Variants in ARFGEF3 observed in about 807,000 individuals in gnomAD.
The protein encoded by ARFGEF3 is brefeldin A-inhibited guanine nucleotide-exchange protein 3.
In ARFGEF3, 96 loss-of-function variants were observed where a neutral mutation model predicts 221.7. That is an observed-to-expected ratio of 0.43 (90% CI 0.37 to 0.51). The LOEUF (loss-of-function observed/expected upper bound fraction) is 0.51, where lower values mean the gene tolerates loss of function less well. Ranked by LOEUF, ARFGEF3 falls within the 20% of genes least tolerant of loss-of-function variation. The pLI, the probability that ARFGEF3 is intolerant of heterozygous loss-of-function variation, is 0.00. For missense variants in ARFGEF3, 2,410 were observed against 2,789.9 expected (o/e 0.86, Z 3.07); for synonymous variants, 1,145 against 1,126.8 (o/e 1.02, Z -0.32).
At chr6:138,209,046 T>G (rs923729159) in intron 3 of ARFGEF3, among the ~76,000 whole-genome samples, 4 of 152,156 alleles carry the variant, frequency 2.6e-5, no homozygotes, top group Non-Finnish European at 5.9e-5. Context: ...AAAAAGCCTA[T>G]CCTGTGAGGT....
chr6:138,280,499 G>T (rs1779178811), intron 14 of ARFGEF3, among the ~76,000 whole-genome samples: 1 of 152,188 alleles, frequency 6.6e-6, no homozygotes, highest in Non-Finnish European at 1.5e-5. Context: ...GCTAATAGTT[G>T]CCCATATCAT....
chr6:138,319,779 A>G lies in ARFGEF3; in HGVS notation c.4551A>G (p.Lys1517=), dbSNP rs1779990137. The change falls in exon 28 of 34, where the codon AAA becomes AAG. Residue 1517 remains lysine, a synonymous_variant. Transcript: ENST00000251691. ...VMSVWLRRSH[K]DHSYWDMASA... is the part of the protein sequence containing the mutation. ...CCGTTTGGCTCCGCCGGAGCCATAAAGACCATTCCTACTGGGATATGGCCT... is the reference window on the plus strand; with the variant it reads ...CCGTTTGGCTCCGCCGGAGCCATAAGGACCATTCCTACTGGGATATGGCCT... The G allele has an allele frequency of 5.0e-6, 8 of 1,613,858 alleles. No individual in the cohort carries two copies. The highest frequency in any genetic ancestry group is 6.8e-6 in the Non-Finnish European group (8 of 1,179,756).
At chr6:138,177,989 C>T (rs1282419751) in intron 2 of ARFGEF3, among the ~76,000 whole-genome samples, 1 of 152,084 alleles carries the variant, frequency 6.6e-6, no homozygotes, top group Non-Finnish European at 1.5e-5. Context: ...GATTTATTGG[C>T]GGAGAATTAC....
chr6:138,270,110 C>A (rs936005070), intron 12 of ARFGEF3, among the ~76,000 whole-genome samples: 4 of 152,138 alleles, frequency 2.6e-5, no homozygotes, highest in Non-Finnish European at 5.9e-5. Context: ...CAGGAGCTCT[C>A]TGGAAGCGCC....
At chr6:138,264,903 C>CTT (rs777385641) in intron 12 of ARFGEF3, among the ~76,000 whole-genome samples, 25 of 137,364 alleles carry the variant, frequency 1.8e-4, no homozygotes, top group South Asian at 2.3e-4. Context: ...TTTTTTTTTC[C>CTT]TTTTTTTTTT....
intron 32 of ARFGEF3, among the ~76,000 whole-genome samples, chr6:138,330,666 T>G (rs1458159663): frequency 6.6e-6 from 1 of 152,158 alleles, no homozygotes; most frequent in Non-Finnish European, 1.5e-5. Context: ...CAAGATTTCA[T>G]CTCAAAAAAC....
intron 4 of ARFGEF3, among the ~76,000 whole-genome samples, chr6:138,229,263 G>A (rs534172387): frequency 6.6e-6 from 1 of 152,328 alleles, no homozygotes; most frequent in East Asian, 1.9e-4. Flanking sequence ...GCTTTGCCTC[G>A]TGAGTGAGCA....
chr6:138,253,332 C>A (rs904846098), intron 8 of ARFGEF3, among the ~76,000 whole-genome samples: 6 of 152,024 alleles, frequency 3.9e-5, no homozygotes, highest in Non-Finnish European at 7.4e-5. Context: ...AAAAATCACC[C>A]CAACTGTATT....
intron 8 of ARFGEF3, among the ~76,000 whole-genome samples, chr6:138,251,155 G>A (rs1281355987): frequency 2.6e-5 from 4 of 152,176 alleles, no homozygotes; most frequent in African/African-American, 9.7e-5. Flanking sequence ...CAGCGAGTCT[G>A]ATAACCTGGG....
rs1779405576 is a variant in ARFGEF3, at chr6:138,291,663, A to C, written c.3048-70A>C. 1 of 1,134,720 alleles carries C rather than the reference A, an allele frequency of 8.8e-7. No individual in the cohort carries two copies. The allele number at this position is 1,134,720 out of a possible 1,614,324, so 70.3% of individuals were successfully genotyped here. ...GCTGGCTGCATTTCCTTTGTCTGGC[A>C]CTGTGGGGTTTATGGAGCTGCCGGG... On this transcript the variant is annotated intron_variant, in intron 18 of 33. Transcript: ENST00000251691. This position sits in a 1 kb window ranked among gnomAD's most constrained non-coding sequence, Gnocchi z 4.5.
chr6:138,327,092 G>A (rs1165121153), intron 31 of ARFGEF3, among the ~76,000 whole-genome samples: 3 of 152,164 alleles, frequency 2.0e-5, no homozygotes, highest in Admixed American at 2.0e-4. Flanking sequence ...CACACACTGG[G>A]CACCTGTGGG....
intron 4 of ARFGEF3, among the ~76,000 whole-genome samples, chr6:138,227,651 G>A (rs1448044941): frequency 6.6e-6 from 1 of 152,098 alleles, no homozygotes; most frequent in Non-Finnish European, 1.5e-5. Context: ...ATGAAACATG[G>A]CACTAAAAAT....
chr6:138,168,163 T>A (rs1776757056), intron 1 of ARFGEF3, among the ~76,000 whole-genome samples: 1 of 152,076 alleles, frequency 6.6e-6, no homozygotes, highest in Non-Finnish European at 1.5e-5. Flanking sequence ...ATCCAAGAGT[T>A]TACAGATTCT....
intron 23 of ARFGEF3, 75 bp downstream of exon 23, chr6:138,307,472 A>T (rs1186735796): frequency 8.5e-7 from 1 of 1,179,158 alleles, no homozygotes; most frequent in Admixed American, 1.9e-5. Context: ...AAAAAAAAAA[A>T]ATTGAACAAT....
intron 31 of ARFGEF3, among the ~76,000 whole-genome samples, chr6:138,327,337 TACTC>T (rs1780144324): frequency 6.7e-6 from 1 of 149,444 alleles, no homozygotes; most frequent in East Asian, 1.9e-4. Context: ...GCTACTCAGC[TACTC>T]GAGGGTTTAA....
At chr6:138,175,872 T>C (rs776406901) in intron 2 of ARFGEF3, among the ~76,000 whole-genome samples, 3 of 152,192 alleles carry the variant, frequency 2.0e-5, no homozygotes, top group Non-Finnish European at 4.4e-5. Flanking sequence ...ATTGTATTGG[T>C]GTCTATCTCT....
chr6:138,249,949 G>A (rs756043630), intron 8 of ARFGEF3, among the ~76,000 whole-genome samples: 1 of 152,092 alleles, frequency 6.6e-6, no homozygotes, highest in Non-Finnish European at 1.5e-5. Context: ...ATAGTCCCGT[G>A]CACCAGCTGC....
chr6:138,317,494 C>T, intron 27 of ARFGEF3, 115 bp downstream of exon 27: 2 of 1,271,730 alleles, frequency 1.6e-6, no homozygotes, highest in Non-Finnish European at 2.2e-6. Context: ...TAGTACAAAG[C>T]TCACACGTAA....
In ARFGEF3 at chr6:138,336,579, C is replaced by G; in HGVS notation, c.*93C>G. On this transcript the variant is annotated 3_prime_UTR_variant, in exon 34 of 34. Transcript: ENST00000251691. ...TGCATTTTCCCCACCACTAGCCCCA[C>G]TTAAACTACTACTACTGTCTCAGAG... is the stretch of plus-strand genomic sequence containing the variant. 4.1e-6 allele frequency: 4 copies of G among 984,760 alleles called. No homozygotes were observed. Among genetic ancestry groups the G allele is most frequent in the Admixed American group, 2.7e-5 (1 of 37,074 alleles). The allele number at this position is 984,760 out of a possible 1,614,324, so 61.0% of individuals were successfully genotyped here.
Sources: allele counts gnomAD v4.1 joint callset (sites outside exome capture counted in the v4.1 genomes callset), GRCh38; gene constraint gnomAD v4.1.1; non-coding constraint Gnocchi (gnomAD v3.1); transcripts MANE v1.5; gene names NCBI Gene and HGNC (gene_info 2026-07-23, HGNC 2026-07-21).